The following SPI1 variants were observed in gnomAD, a reference collection of about 807,000 sequenced individuals.
The protein encoded by SPI1 is Spi-1 proto-oncogene.
SPI1 carries 3 observed loss-of-function variants against 30.7 expected under a neutral mutation model. The ratio of observed to expected loss-of-function variants is 0.10; its 90% CI spans 0.04 to 0.25. The LOEUF is 0.25. Ranked by LOEUF, SPI1 falls within the 10% of genes least tolerant of loss-of-function variation. The pLI, the probability that SPI1 is intolerant of heterozygous loss-of-function variation, is 1.00. For missense variants in SPI1, 261 were observed against 371.5 expected (o/e 0.70, Z 2.45); for synonymous variants, 169 against 157.1 (o/e 1.08, Z -0.56).
rs2095918151 is a variant in SPI1 at position 47,359,889 on chromosome 11, G to T, written c.294C>A (p.Thr98=). 2 of 1,608,716 alleles carry T rather than the reference G, an allele frequency of 1.2e-6. No individual in the cohort carries two copies. The highest frequency in any genetic ancestry group is 1.3e-5 in the African/African-American group (1 of 74,900). ...GACTGGGATGGGGTGGCACCATGGGGGTATCGAGGACGTGCATCTGCTCCA... is the reference window on the plus strand; with the variant it reads ...GACTGGGATGGGGTGGCACCATGGGTGTATCGAGGACGTGCATCTGCTCCA... ...MELEQMHVLD[T]PMVPPHPSLG... is the part of the protein sequence containing the mutation. The change falls in exon 3 of 5, where the codon ACC becomes ACA. Residue 98 remains threonine (T), a synonymous_variant. Coordinates refer to ENST00000378538, the MANE Select transcript of SPI1 (RefSeq NM_003120.3). This position sits in a 1 kb window ranked among gnomAD's most constrained non-coding sequence, Gnocchi z 5.1.
intron 2 of SPI1, among the ~76,000 whole-genome samples, chr11:47,361,724 T>C (rs7105851): frequency 0.69 from 105,049 of 152,034 alleles, 36,480 homozygotes; most frequent in African/African-American, 0.77. Flanking sequence ...CATGTCTGCC[T>C]GCATCTCTCT....
At chr11:47,369,966 A>G (rs2095933483) in intron 2 of SPI1, among the ~76,000 whole-genome samples, 1 of 152,226 alleles carries the variant, frequency 6.6e-6, no homozygotes, top group African/African-American at 2.4e-5. Flanking sequence ...TGAAGTTGGT[A>G]TTGTCATGAA....
intron 4 of SPI1, 72 bp from the exon 5 acceptor site, chr11:47,355,618 G>C: frequency 7.5e-7 from 1 of 1,337,300 alleles, no homozygotes; most frequent in Non-Finnish European, 1.0e-6. Flanking sequence ...CCTTGCGTAC[G>C]CACAGGGGCC....
intron 2 of SPI1, among the ~76,000 whole-genome samples, chr11:47,372,818 T>C (rs1240228545): frequency 6.6e-6 from 1 of 152,024 alleles, no homozygotes; most frequent in Non-Finnish European, 1.5e-5. Context: ...ATCACAGCCC[T>C]AGGAGGTAAG....
In SPI1 at chr11:47,355,353, C is replaced by T; in HGVS notation, c.687G>A (p.Ala229=). The change falls in exon 5 of 5, where the codon GCG becomes GCA. Residue 229 remains alanine (A), a synonymous_variant. Transcript: ENST00000378538. ...TCTTGCCGTAGTTGCGCAGCGCGCG[C>T]GCCATCTTCTGGTAGGTCATCTTCT... ...NRKKMTYQKM[A]RALRNYGKTG... 1 of 1,613,726 alleles carries T rather than the reference C, an allele frequency of 6.2e-7. No homozygotes were observed. Among genetic ancestry groups the T allele is most frequent in the Non-Finnish European group, 8.5e-7 (1 of 1,179,764 alleles).
chr11:47,355,797 G>GC (rs1191872751), intron 4 of SPI1, among the ~76,000 whole-genome samples: 1 of 126,614 alleles, frequency 7.9e-6, no homozygotes, highest in Admixed American at 8.0e-5. Flanking sequence ...GCACACACTC[G>GC]CACCCACACA....
At chr11:47,363,557 C>T (rs975263239) in intron 2 of SPI1, among the ~76,000 whole-genome samples, 6 of 152,102 alleles carry the variant, frequency 3.9e-5, no homozygotes, top group African/African-American at 7.2e-5. Context: ...GAGATGGAAT[C>T]TCACTATGTT....
Position 47,375,799 on chromosome 11 carries a change from C to T in SPI1, c.46-70G>A. The T allele has an allele frequency of 8.0e-7, 1 of 1,244,738 alleles. No individual in the cohort carries two copies. Among genetic ancestry groups the T allele is most frequent in the Non-Finnish European group, 1.2e-6 (1 of 845,358 alleles). The allele number at this position is 1,244,738 out of a possible 1,614,324, so 77.1% of individuals were successfully genotyped here. ...CCCAGCCAGGCCTGCAGCACCCCCG[C>T]ACGCTGGGTCCCCATCACCTTCCCT... On this transcript the variant is annotated intron_variant, in intron 1 of 4. Coordinates refer to ENST00000378538, the MANE Select transcript of SPI1 (RefSeq NM_003120.3). The surrounding 1 kb of genome is among the most constrained non-coding windows in gnomAD (Gnocchi z 4.2).
Position 47,355,464 on chromosome 11 carries a change from C to T in SPI1, c.576G>A (p.Val192=), listed in dbSNP as rs749800518. ...ACTGGAAGGTGCCCTTGTCCTTGTC[C>T]ACCCACCAGATGCTGTCCTTCATGT... ...SGDMKDSIWW[V]DKDKGTFQFS... The change falls in exon 5 of 5, where the codon GTG becomes GTA. Residue 192 remains valine, a synonymous_variant. Coordinates refer to ENST00000378538, the MANE Select transcript of SPI1 (RefSeq NM_003120.3). 3.7e-6 allele frequency: 6 copies of T among 1,613,456 alleles called. No homozygotes were observed. The highest frequency in any genetic ancestry group is 2.7e-5 in the African/African-American group (2 of 74,894).
intron 2 of SPI1, among the ~76,000 whole-genome samples, chr11:47,370,767 G>A (rs2095934657): frequency 6.6e-6 from 1 of 152,180 alleles, no homozygotes; most frequent in African/African-American, 2.4e-5. Flanking sequence ...AGGATGCCAT[G>A]TGGCTCAGCT....
rs1217404046 is a variant in SPI1 at position 47,378,396 on chromosome 11, G to T, written c.-43C>A. 3.1e-6 allele frequency: 5 copies of T among 1,596,100 alleles called. No homozygotes were observed. The Admixed American group carries it at 7.0e-5, about 22-fold the overall frequency. On this transcript the variant is annotated 5_prime_UTR_variant, in exon 1 of 5. Coordinates refer to ENST00000378538, the MANE Select transcript of SPI1 (RefSeq NM_003120.3). ...CGGTCAGATCCCCTGCCTCGGTGGG[G>T]GCCAATGCAGAGCCCCTCAGGATGG...
chr11:47,366,404 A>C lies in SPI1; in HGVS notation c.143-6364T>G, dbSNP rs556332235. Among the ~76,000 whole-genome samples the C allele has an allele frequency of 9.2e-5, 14 of 152,326 alleles. No individual in the cohort carries two copies. The East Asian group carries it at 2.7e-3, about 29-fold the overall frequency. ...CCTCAGAACAGAACCTCCAGCCTGA[A>C]GCCCTGGGCTCTTCCCAGGGGAGCA... On this transcript the variant is annotated intron_variant, in intron 2 of 4. Coordinates refer to ENST00000378538, the MANE Select transcript of SPI1 (RefSeq NM_003120.3).
intron 2 of SPI1, among the ~76,000 whole-genome samples, chr11:47,368,881 A>C (rs1309909372): frequency 6.6e-6 from 1 of 152,240 alleles, no homozygotes; most frequent in East Asian, 1.9e-4. Context: ...AGAACTATAC[A>C]CTTAAAATGT....
intron 2 of SPI1, among the ~76,000 whole-genome samples, chr11:47,367,875 A>C (rs1245496848): frequency 1.4e-5 from 2 of 145,576 alleles, no homozygotes; most frequent in Non-Finnish European, 3.0e-5. Flanking sequence ...CTCCTGCGTC[A>C]GCCTCCTGAG....
intron 4 of SPI1, 169 bp downstream of exon 4, chr11:47,358,675 C>T: frequency 1.3e-6 from 1 of 747,236 alleles, no homozygotes; most frequent in South Asian, 1.5e-5. Context: ...GATACACACA[C>T]ACAGAGACAG....
At chr11:47,355,924 ACACC>A (rs1352086461) in intron 4 of SPI1, among the ~76,000 whole-genome samples, 1 of 148,996 alleles carries the variant, frequency 6.7e-6, no homozygotes, top group African/African-American at 2.5e-5. Flanking sequence ...GCACCTTCTC[ACACC>A]CACTCACACT....
chr11:47,355,335 G>A lies in SPI1; in HGVS notation c.705C>T (p.Tyr235=). 1 of 1,612,990 alleles carries A rather than the reference G, an allele frequency of 6.2e-7. No homozygotes were observed. The highest frequency in any genetic ancestry group is 8.5e-7 in the Non-Finnish European group (1 of 1,179,514). The change falls in exon 5 of 5, where the codon TAC becomes TAT. Residue 235 remains tyrosine (Y), a synonymous_variant. Transcript: ENST00000378538. ...CCTTCTTGACCTCGCCCGTCTTGCCGTAGTTGCGCAGCGCGCGCGCCATCT... is the reference window on the plus strand; with the variant it reads ...CCTTCTTGACCTCGCCCGTCTTGCCATAGTTGCGCAGCGCGCGCGCCATCT... ...YQKMARALRN[Y]GKTGEVKKVK...
chr11:47,361,120 CAAAAAGAAAA>C (rs1018978726), intron 2 of SPI1, among the ~76,000 whole-genome samples: 3 of 150,852 alleles, frequency 2.0e-5, no homozygotes, highest in African/African-American at 7.3e-5. Context: ...GACTCCGTCT[CAAAAAGAAAA>C]AAAAAGAAAA....
At chr11:47,356,076 C>T (rs368596923) in intron 4 of SPI1, among the ~76,000 whole-genome samples, 14 of 151,914 alleles carry the variant, frequency 9.2e-5, no homozygotes, top group African/African-American at 2.4e-4. Flanking sequence ...CCCACATGCT[C>T]ACACACATGC....
Sources: allele counts gnomAD v4.1 joint callset (sites outside exome capture counted in the v4.1 genomes callset), GRCh38; gene constraint gnomAD v4.1.1; non-coding constraint Gnocchi (gnomAD v3.1); transcripts MANE v1.5; gene names NCBI Gene and HGNC (gene_info 2026-07-23, HGNC 2026-07-21).